The following USP34 variants were observed in gnomAD, a reference collection of about 807,000 sequenced individuals.
USP34 encodes ubiquitin carboxyl-terminal hydrolase 34.
A neutral mutation model predicts 460.3 loss-of-function variants in USP34; 70 were observed. That is an observed-to-expected ratio of 0.15 (90% CI 0.13 to 0.19). The LOEUF (loss-of-function observed/expected upper bound fraction) is 0.19, where lower values mean the gene tolerates loss of function less well. Among genes scored for constraint, USP34 ranks in the 10% least tolerant of loss-of-function variants. The pLI is 1.00. For missense variants in USP34, 3,985 were observed against 4,236.2 expected, an observed-to-expected ratio of 0.94 and a Z score of 1.65; for synonymous variants, 1,647 against 1,405.3, an observed-to-expected ratio of 1.17 and a Z score of -3.85.
rs1304758670 is a variant in USP34, at chr2:61,188,241, G to A, written c.10502C>T (p.Ser3501Phe). ...TCCTCTGGAATGGCCACAACTGAGA[G>A]ATAAAGCAACCTCAGGGTCCTGGGA... is the stretch of plus-strand genomic sequence containing the variant. The part of the protein sequence containing the change: ...LPSQDPEVAL[S>F]LSCGHSRGLF... The change falls in exon 80 of 80, where the codon TCT becomes TTT. Residue 3501 changes from serine to phenylalanine, a missense_variant. Ser to Phe is a radical substitution (Grantham distance 155). This residue lies in a region of USP34 where 506 missense variants were observed against 439.0 expected (regional missense o/e 1.15). Transcript: ENST00000398571. The A allele has an allele frequency of 6.2e-7, 1 of 1,614,062 alleles. No homozygotes were observed. The highest frequency in any genetic ancestry group is 1.3e-5 in the African/African-American group (1 of 74,916).
rs1038737194 is a variant in USP34 at position 61,187,856 on chromosome 2, T to A, written c.*246A>T. On this transcript the variant is annotated 3_prime_UTR_variant, in exon 80 of 80. Transcript: ENST00000398571. Reference sequence around the variant, plus strand: ...GACAGCCATATTAAATGAAAGCCACTAAAGTGAACTCTTAATTACATAAAA... The same window carrying A: ...GACAGCCATATTAAATGAAAGCCACAAAAGTGAACTCTTAATTACATAAAA... 59 of 1,288,478 alleles carry A rather than the reference T, an allele frequency of 4.6e-5. 1 individual carries two copies. In the East Asian group the frequency reaches 1.9e-3, roughly 41 times the overall value. The allele number at this position is 1,288,478 out of a possible 1,614,324, so 79.8% of individuals were successfully genotyped here.
At chr2:61,438,896 A>T (rs1694890017) in intron 1 of USP34, among the ~76,000 whole-genome samples, 1 of 152,224 alleles carries the variant, frequency 6.6e-6, no homozygotes, top group Non-Finnish European at 1.5e-5. Context: ...GCTGCAGATG[A>T]CATGACCTTA....
At chr2:61,362,639 G>C (rs912019820) in intron 10 of USP34, among the ~76,000 whole-genome samples, 2 of 152,176 alleles carry the variant, frequency 1.3e-5, no homozygotes, top group Admixed American at 6.5e-5. Flanking sequence ...CAGGAGGAGA[G>C]AGAAATAAGT....
At chr2:61,318,198 A>C (rs1318316033) in intron 22 of USP34, among the ~76,000 whole-genome samples, 1 of 151,978 alleles carries the variant, frequency 6.6e-6, no homozygotes, top group East Asian at 1.9e-4. Flanking sequence ...CTCAAAAAAA[A>C]AAAAAAAAAT....
At chr2:61,407,411 G>A (rs551303562) in intron 2 of USP34, among the ~76,000 whole-genome samples, 11 of 152,236 alleles carry the variant, frequency 7.2e-5, no homozygotes, top group South Asian at 4.1e-4. Context: ...TAATACATAC[G>A]CAAGTACCTG....
chr2:61,280,494 A>G (rs922567174), intron 38 of USP34, 146 bp from the exon 39 acceptor site: 1 of 398,562 alleles, frequency 2.5e-6, no homozygotes, highest in African/African-American at 2.1e-5. Context: ...GTACACGCTT[A>G]GTTTCTGTAA....
At chr2:61,277,237 C>CTT (rs11351343) in intron 41 of USP34, among the ~76,000 whole-genome samples, 9 of 138,132 alleles carry the variant, frequency 6.5e-5, no homozygotes, top group African/African-American at 1.3e-4. Flanking sequence ...TATAGGTTAC[C>CTT]TTTTTTTTTT....
intron 79 of USP34, 52 bp from the exon 80 acceptor site, chr2:61,188,761 C>A (rs771390663): frequency 5.1e-6 from 8 of 1,583,958 alleles, no homozygotes; most frequent in Admixed American, 3.7e-5. Context: ...ATTAAGATCA[C>A]GTTAGGGGGG....
At chr2:61,368,775 T>A (rs891893074) in intron 10 of USP34, among the ~76,000 whole-genome samples, 3 of 152,054 alleles carry the variant, frequency 2.0e-5, no homozygotes, top group African/African-American at 7.2e-5. Flanking sequence ...TAAAGGAGAA[T>A]TCTCTTATAA....
intron 5 of USP34, among the ~76,000 whole-genome samples, chr2:61,389,134 CAGG>C (rs1215813392): frequency 6.6e-6 from 1 of 151,948 alleles, no homozygotes; most frequent in Non-Finnish European, 1.5e-5. Context: ...TTAAAAAAAG[CAGG>C]AGAATGATCA....
chr2:61,406,650 T>C (rs200810525), intron 2 of USP34, among the ~76,000 whole-genome samples: 5 of 150,048 alleles, frequency 3.3e-5, no homozygotes, highest in Non-Finnish European at 7.4e-5. Flanking sequence ...CACTCTCTCT[T>C]TCTCTCTCTC....
intron 44 of USP34, among the ~76,000 whole-genome samples, chr2:61,258,638 G>C (rs549939071): frequency 3.3e-5 from 5 of 152,212 alleles, no homozygotes; most frequent in Middle Eastern, 3.4e-3. Context: ...GGAGGTTGAA[G>C]GGTAGGGGGA....
chr2:61,460,660 A>G (rs1695572117), intron 1 of USP34, among the ~76,000 whole-genome samples: 1 of 152,152 alleles, frequency 6.6e-6, no homozygotes, highest in African/African-American at 2.4e-5. Flanking sequence ...TTTCTCCTCA[A>G]AAGAAATCTT....
At position 61,451,158 on chromosome 2, in the gene USP34, T is replaced by G. The variant is rs187032065; in HGVS notation, c.43+19492A>C. Among the ~76,000 whole-genome samples, 7 of 135,614 alleles carry G rather than the reference T, an allele frequency of 5.2e-5. No homozygotes were observed. In the East Asian group the frequency reaches 1.3e-3, roughly 24 times the overall value. 89.0% of individuals were successfully genotyped at this position (135,614 alleles called of 152,430 possible). On this transcript the variant is annotated intron_variant, in intron 1 of 79. Coordinates refer to ENST00000398571, the MANE Select transcript of USP34 (RefSeq NM_014709.4). ...ATCACTTGAACCCGAGAGGTGGAAGTTGCAGTGAGCCGAGATCATGCCACT... is the reference window on the plus strand; with the variant it reads ...ATCACTTGAACCCGAGAGGTGGAAGGTGCAGTGAGCCGAGATCATGCCACT...
intron 76 of USP34, among the ~76,000 whole-genome samples, chr2:61,191,785 A>G (rs183088713): frequency 6.6e-6 from 1 of 152,362 alleles, no homozygotes; most frequent in Non-Finnish European, 1.5e-5. Context: ...CAAATCAGGA[A>G]GAATGAAAAA....
intron 41 of USP34, 120 bp from the exon 42 acceptor site, chr2:61,266,287 G>T: frequency 1.1e-6 from 1 of 911,502 alleles, no homozygotes; most frequent in Non-Finnish European, 1.6e-6. Context: ...ATAGCAGCAT[G>T]ATATACCATC....
intron 32 of USP34, among the ~76,000 whole-genome samples, chr2:61,294,116 C>A (rs180784204): frequency 6.6e-6 from 1 of 151,976 alleles, no homozygotes; most frequent in African/African-American, 2.4e-5. Context: ...GAGGCCGAGG[C>A]GGGTGGATCA....
intron 10 of USP34, among the ~76,000 whole-genome samples, chr2:61,366,518 A>G (rs1432314329): frequency 6.6e-6 from 1 of 152,234 alleles, no homozygotes; most frequent in African/African-American, 2.4e-5. Context: ...GGAGAAAACT[A>G]CATAAAGTAA....
At chr2:61,393,222 G>C (rs1398861897) in intron 5 of USP34, among the ~76,000 whole-genome samples, 2 of 152,118 alleles carry the variant, frequency 1.3e-5, no homozygotes, top group African/African-American at 4.8e-5. Context: ...CCTGAGGTTA[G>C]GAGTTTGAGA....
Sources: gnomAD v4.1 joint callset for allele counts (sites outside exome capture counted in the v4.1 genomes callset) on GRCh38, gnomAD v4.1.1 for gene constraint, gnomAD v4.1.1 regional missense constraint, MANE v1.5 for transcripts, NCBI Gene and HGNC (gene_info 2026-07-23, HGNC 2026-07-21) for gene names.